KLHL32: variants seen among roughly 807,000 people sequenced by gnomAD.
KLHL32 encodes the protein kelch like family member 32.
A neutral mutation model predicts 64.8 loss-of-function variants in KLHL32; 35 were observed. The observed-to-expected ratio is 0.54, with a 90% CI of 0.41 to 0.72. The LOEUF (loss-of-function observed/expected upper bound fraction) is 0.72. Ranked by LOEUF, KLHL32 falls within the 30% of genes least tolerant of loss-of-function variation. The pLI, the probability that KLHL32 is intolerant of heterozygous loss-of-function variation, is 0.00. For missense variants in KLHL32, 589 were observed against 768.5 expected (o/e 0.77, Z 2.76); for synonymous variants, 259 against 281.0 (o/e 0.92, Z 0.78).
At chr6:97,127,340 T>C in intron 7 of KLHL32, 64 bp from the exon 8 acceptor site, 1 of 1,334,460 alleles carries the variant, frequency 7.5e-7, no homozygotes, top group Non-Finnish European at 1.1e-6. Context: ...TGTATCTCAT[T>C]CTTATGTTGG....
intron 10 of KLHL32, among the ~76,000 whole-genome samples, chr6:97,137,300 A>G (rs1227726633): frequency 6.6e-6 from 1 of 152,214 alleles, no homozygotes; most frequent in Non-Finnish European, 1.5e-5. Flanking sequence ...CACTGAAAGA[A>G]AATACATCAA....
intron 6 of KLHL32, among the ~76,000 whole-genome samples, chr6:97,105,776 T>C (rs1428661371): frequency 1.3e-5 from 2 of 150,016 alleles, no homozygotes; most frequent in East Asian, 4.0e-4. Context: ...AAAAAAAAAA[T>C]ACTTGTTACT....
chr6:97,016,493 A>G (rs1244050676), intron 3 of KLHL32, among the ~76,000 whole-genome samples: 1 of 152,190 alleles, frequency 6.6e-6, no homozygotes, highest in Non-Finnish European at 1.5e-5. Context: ...CACTTTTGGA[A>G]CGAGTGTATT....
At chr6:96,908,594 T>G in the KLHL32 span, among the ~76,000 whole-genome samples, 99 of 152,312 alleles carry the variant, frequency 6.5e-4, 1 homozygote, top group East Asian at 0.013. Context: ...GACCAAAGCT[T>G]CTTCCTCTAT....
chr6:96,977,127 C>A (rs1775791374), intron 3 of KLHL32, among the ~76,000 whole-genome samples: 1 of 152,180 alleles, frequency 6.6e-6, no homozygotes, highest in Non-Finnish European at 1.5e-5. Flanking sequence ...CACTTATTAG[C>A]ACTTCTTGTG....
At chr6:97,014,294 CAA>C (rs778174425) in intron 3 of KLHL32, among the ~76,000 whole-genome samples, 51 of 94,310 alleles carry the variant, frequency 5.4e-4, no homozygotes, top group African/African-American at 1.2e-3. Flanking sequence ...GACTCCGTCT[CAA>C]AAAAAAAAAA....
intron 3 of KLHL32, among the ~76,000 whole-genome samples, chr6:97,033,929 T>A (rs1783939046): frequency 6.6e-6 from 1 of 152,162 alleles, no homozygotes; most frequent in Non-Finnish European, 1.5e-5. Flanking sequence ...ATTTTGGATA[T>A]TAACCCTTTA....
At chr6:97,116,571 A>G (rs1251922832) in intron 7 of KLHL32, among the ~76,000 whole-genome samples, 2 of 152,202 alleles carry the variant, frequency 1.3e-5, no homozygotes, top group African/African-American at 2.4e-5. Flanking sequence ...TGAATTTCTC[A>G]TAAATATTTT....
chr6:97,137,483 T>C (rs910232845), intron 10 of KLHL32, among the ~76,000 whole-genome samples: 1 of 152,274 alleles, frequency 6.6e-6, no homozygotes, highest in Non-Finnish European at 1.5e-5. Flanking sequence ...GAAACATGGA[T>C]CCCCAAATTT....
intron 7 of KLHL32, among the ~76,000 whole-genome samples, chr6:97,117,062 G>A (rs1323420287): frequency 6.6e-6 from 1 of 152,134 alleles, no homozygotes; most frequent in East Asian, 1.9e-4. Flanking sequence ...AATACCTTCA[G>A]TCATCTGCCT....
chr6:97,041,837 G>A (rs907216674), intron 4 of KLHL32, among the ~76,000 whole-genome samples: 5 of 152,190 alleles, frequency 3.3e-5, no homozygotes, highest in East Asian at 1.9e-4. Flanking sequence ...GCTTGCTGGT[G>A]TAATTTTTTG....
upstream of KLHL32, among the ~76,000 whole-genome samples, chr6:96,922,885 A>T (rs753036636): frequency 8.5e-5 from 13 of 152,210 alleles, no homozygotes; most frequent in Non-Finnish European, 1.3e-4. Flanking sequence ...ATAAACTTTA[A>T]ATCAATACTA....
chr6:96,991,896 G>A (rs1015015035), intron 3 of KLHL32, among the ~76,000 whole-genome samples: 1 of 152,094 alleles, frequency 6.6e-6, no homozygotes, highest in Non-Finnish European at 1.5e-5. Flanking sequence ...CCGCTTTTCC[G>A]GGTAAGGTGG....
In KLHL32 at chr6:97,079,071, A is replaced by G. The variant is rs536143421; in HGVS notation, c.412-6055A>G. ...TGGTAAATATGCAGACTCTAGGCAT[A>G]AGGCTGCATGTTTTTCTCTCATTCA... On this transcript the variant is annotated intron_variant, in intron 5 of 10. Transcript: ENST00000369261. Among the ~76,000 whole-genome samples, 3 of 152,312 alleles carry G rather than the reference A, an allele frequency of 2.0e-5. No homozygotes were observed. In the East Asian group the frequency reaches 5.8e-4, roughly 29 times the overall value.
intron 3 of KLHL32, among the ~76,000 whole-genome samples, chr6:96,984,044 G>C (rs1240528631): frequency 6.6e-6 from 1 of 152,172 alleles, no homozygotes; most frequent in Non-Finnish European, 1.5e-5. Context: ...TCTACACACT[G>C]CTTTGAATGC....
At chr6:96,942,882 T>C (rs1007246118) in intron 1 of KLHL32, among the ~76,000 whole-genome samples, 1 of 152,134 alleles carries the variant, frequency 6.6e-6, no homozygotes, top group African/African-American at 2.4e-5. Flanking sequence ...TGGCTTTCGA[T>C]CAAGCCTGAG....
chr6:96,970,206 G>C (rs879900533), intron 2 of KLHL32, among the ~76,000 whole-genome samples: 7 of 152,194 alleles, frequency 4.6e-5, no homozygotes, highest in Non-Finnish European at 1.0e-4. Flanking sequence ...GTCTGGCCCA[G>C]TCTCCCCTAC....
intron 6 of KLHL32, among the ~76,000 whole-genome samples, chr6:97,096,766 G>T (rs890722336): frequency 2.0e-5 from 3 of 152,216 alleles, no homozygotes; most frequent in African/African-American, 7.2e-5. Context: ...AGCTCTTAAT[G>T]TTCTTACTGC....
chr6:96,972,107 C>A (rs1775179746), intron 2 of KLHL32, among the ~76,000 whole-genome samples: 1 of 152,124 alleles, frequency 6.6e-6, no homozygotes, highest in Non-Finnish European at 1.5e-5. Flanking sequence ...CCACTTTGGC[C>A]TCCCAAAGTG....
Sources: allele counts gnomAD v4.1 joint callset (sites outside exome capture counted in the v4.1 genomes callset), GRCh38; gene constraint gnomAD v4.1.1; transcripts MANE v1.5; gene names NCBI Gene and HGNC (gene_info 2026-07-23, HGNC 2026-07-21).